The following CC2D2A variants were observed in gnomAD, a reference collection of about 807,000 sequenced individuals.
The protein encoded by CC2D2A is coiled-coil and C2 domain containing 2A, also known as coiled-coil and C2 domain-containing protein 2A.
CC2D2A carries 155 observed loss-of-function variants against 212.9 expected under a neutral mutation model. The observed-to-expected ratio is 0.73, with a 90% CI of 0.64 to 0.83. The LOEUF is 0.83. Among genes scored for constraint, CC2D2A ranks in the 40% least tolerant of loss-of-function variants. CC2D2A has a pLI of 0.00. For synonymous variants in CC2D2A, 667 were observed against 686.5 expected, an observed-to-expected ratio of 0.97 and a Z score of 0.44; for missense variants, 1,856 against 1,956.2, an observed-to-expected ratio of 0.95 and a Z score of 0.97.
Position 15,475,806 on chromosome 4 carries a change from G to C in CC2D2A, c.-18-109G>C, listed in dbSNP as rs1161535215. 3 of 882,452 alleles carry C rather than the reference G, an allele frequency of 3.4e-6. No individual in the cohort carries two copies. The East Asian group carries it at 8.1e-5, about 24-fold the overall frequency. The allele number at this position is 882,452 out of a possible 1,614,324, so 54.7% of individuals were successfully genotyped here. On this transcript the variant is annotated intron_variant, in intron 1 of 36. Transcript: ENST00000424120. The stretch of plus-strand genomic sequence containing the variant: ...TCCTGGTGAGTGGAAAGTCTACCCA[G>C]CTCAAACACTTCACTTACCATCATG...
At chr4:15,490,165 T>A (rs1399871913) in intron 4 of CC2D2A, among the ~76,000 whole-genome samples, 1 of 152,214 alleles carries the variant, frequency 6.6e-6, no homozygotes, top group Non-Finnish European at 1.5e-5. Flanking sequence ...AACTTACATA[T>A]CATAAAATTC....
intron 11 of CC2D2A, among the ~76,000 whole-genome samples, chr4:15,524,606 A>T (rs1296117120): frequency 6.6e-6 from 1 of 151,492 alleles, no homozygotes; most frequent in Non-Finnish European, 1.5e-5. Context: ...GCCCGCCACC[A>T]CGCTCGGCTA....
At position 15,502,460 on chromosome 4, in the gene CC2D2A, A is replaced by T; in HGVS notation, c.279A>T (p.Thr93=). ...CTCCAATTCCTTCAACTTCCAGAAC[A>T]GGCTTTGCAGAATTTTCCATGAGGG... is the stretch of plus-strand genomic sequence containing the variant. The part of the protein sequence containing the change: ...SLPPIPSTSR[T]GFAEFSMRGR... Residue 93 remains threonine, a synonymous_variant, in exon 5 of 37, where the codon ACA becomes ACT. Transcript: ENST00000424120. 1 of 1,608,322 alleles carries T rather than the reference A, an allele frequency of 6.2e-7. No individual in the cohort carries two copies. The highest frequency in any genetic ancestry group is 8.5e-7 in the Non-Finnish European group (1 of 1,178,458).
At chr4:15,523,052 T>C (rs1577346309) in intron 11 of CC2D2A, among the ~76,000 whole-genome samples, 2 of 151,296 alleles carry the variant, frequency 1.3e-5, no homozygotes, top group African/African-American at 4.9e-5. Context: ...AGGCGAAGGT[T>C]GCAGTGAGCA....
rs1717644428 is a variant in CC2D2A at position 15,528,710 on chromosome 4, T to C, written c.1450T>C (p.Tyr484His). The C allele has an allele frequency of 6.2e-7, 1 of 1,604,620 alleles. No homozygotes were observed. The highest frequency in any genetic ancestry group is 8.5e-7 in the Non-Finnish European group (1 of 1,174,092). ...LDTIQKTINE[Y>H]KSEIRQTRKF... ...TACCATCCAAAAAACCATCAATGAG[T>C]ATAAATCTGAAATTCGGTGAGTAAA... is the stretch of plus-strand genomic sequence containing the variant. The change falls in exon 13 of 37, where the codon TAT becomes CAT. Residue 484 changes from tyrosine (Y) to histidine (H), a missense_variant. By Grantham distance (83) the Tyr-to-His change is moderately conservative (BLOSUM62 2). Transcript: ENST00000424120.
chr4:15,498,777 A>T (rs114758483), intron 4 of CC2D2A, among the ~76,000 whole-genome samples: 4 of 152,332 alleles, frequency 2.6e-5, no homozygotes, highest in African/African-American at 9.6e-5. Flanking sequence ...TTATCTTTTT[A>T]AAAAAGTCTT....
intron 11 of CC2D2A, chr4:15,519,251 C>A (rs1156756215): frequency 2.7e-6 from 1 of 369,276 alleles, no homozygotes; most frequent in East Asian, 8.5e-5. Context: ...TGACACCAGT[C>A]TCTTTGCTAA....
rs942623018 is a variant in CC2D2A at position 15,560,738 on chromosome 4, C to T, written c.3014+116C>T. 5 of 550,934 alleles carry T rather than the reference C, an allele frequency of 9.1e-6. No homozygotes were observed. In the African/African-American group the frequency reaches 1.0e-4, roughly 11 times the overall value. 34.1% of individuals were successfully genotyped at this position (550,934 alleles called of 1,614,324 possible). ...AATCATCGTATGGTATGCATTTGGGCCAGGAATAATGTGTTAAACCTGGTT... is the reference window on the plus strand; with the variant it reads ...AATCATCGTATGGTATGCATTTGGGTCAGGAATAATGTGTTAAACCTGGTT... On this transcript the variant is annotated intron_variant, in intron 23 of 36. Transcript: ENST00000424120.
In CC2D2A at chr4:15,524,509, A is replaced by G. The variant is rs191748373; in HGVS notation, c.1150-2938A>G. On this transcript the variant is annotated intron_variant, in intron 11 of 36. Coordinates refer to ENST00000424120, the MANE Select transcript of CC2D2A (RefSeq NM_001378615.1). Reference sequence around the variant, plus strand: ...TCTGCTGCCCAGGCTGGAGTGCAGTAGCGCAATCTTGGCTCACTGCAAGCT... The same window carrying G: ...TCTGCTGCCCAGGCTGGAGTGCAGTGGCGCAATCTTGGCTCACTGCAAGCT... 1.8e-4 allele frequency among the ~76,000 whole-genome samples: 24 copies of G among 130,536 alleles called. No individual in the cohort carries two copies. In the East Asian group the frequency reaches 5.2e-3, roughly 28 times the overall value. 85.6% of individuals were successfully genotyped at this position (130,536 alleles called of 152,430 possible).
chr4:15,510,058 G>A (rs968613721), intron 6 of CC2D2A, 81 bp from the exon 7 acceptor site: 2 of 999,724 alleles, frequency 2.0e-6, no homozygotes, highest in Admixed American at 4.4e-5. Context: ...CCTTTGGGAT[G>A]GGGGGGTTAA....
At chr4:15,480,675 T>C (rs1714574636) in intron 3 of CC2D2A, 29 bp from the exon 4 acceptor site, 1 of 1,597,682 alleles carries the variant, frequency 6.3e-7, no homozygotes, top group Middle Eastern at 1.7e-4. Context: ...GTCCTGGGAG[T>C]CTCTGAACCT....
At chr4:15,587,656 T>TA (rs1049012212) in intron 31 of CC2D2A, among the ~76,000 whole-genome samples, 160 bp from the exon 32 acceptor site, 3 of 152,124 alleles carry the variant, frequency 2.0e-5, no homozygotes, top group African/African-American at 7.2e-5. Flanking sequence ...AGTGGTTTTT[T>TA]AAAAAAATGA....
chr4:15,489,679 A>C (rs1715195134), intron 4 of CC2D2A, among the ~76,000 whole-genome samples: 1 of 152,168 alleles, frequency 6.6e-6, no homozygotes, highest in Non-Finnish European at 1.5e-5. Context: ...AAATCACTCC[A>C]ATGTAACTCA....
chr4:15,537,723 T>C (rs1718208665), intron 15 of CC2D2A, among the ~76,000 whole-genome samples, 176 bp from the exon 16 acceptor site: 1 of 152,032 alleles, frequency 6.6e-6, no homozygotes. Flanking sequence ...CTCCATTCTG[T>C]AGATGAAAAA....
At chr4:15,487,794 T>A (rs1458586019) in intron 4 of CC2D2A, among the ~76,000 whole-genome samples, 1 of 148,880 alleles carries the variant, frequency 6.7e-6, no homozygotes, top group African/African-American at 2.6e-5. Context: ...TTAAAAAAAT[T>A]TTTTTTTTTG....
chr4:15,566,979 A>T (rs193040445), intron 24 of CC2D2A, among the ~76,000 whole-genome samples: 123 of 152,074 alleles, frequency 8.1e-4, no homozygotes, highest in African/African-American at 2.7e-3. Flanking sequence ...TATCTCAAAA[A>T]TTTTTTTAAA....
At position 15,563,404 on chromosome 4, in the gene CC2D2A, C is replaced by A. The variant is rs751865030; in HGVS notation, c.3064C>A (p.Arg1022=). ...GCTGGCAGAACAAAAGCGACCACTG[C>A]GGCCAAGGAGAAAAGGTCGGAAGAA... is the stretch of plus-strand genomic sequence containing the variant. ...FKLAEQKRPL[R]PRRKGRKKVT... Residue 1022 remains arginine, a synonymous_variant, in exon 24 of 37, where the codon CGG becomes AGG. Transcript: ENST00000424120. 4.4e-6 allele frequency: 7 copies of A among 1,607,862 alleles called. No homozygotes were observed. The highest frequency in any genetic ancestry group is 5.9e-6 in the Non-Finnish European group (7 of 1,176,974).
At chr4:15,521,055 T>C (rs1717173206) in intron 11 of CC2D2A, among the ~76,000 whole-genome samples, 1 of 152,158 alleles carries the variant, frequency 6.6e-6, no homozygotes, top group African/African-American at 2.4e-5. Flanking sequence ...AGAGTTCTAC[T>C]GACAGGGGCT....
intron 17 of CC2D2A, among the ~76,000 whole-genome samples, chr4:15,545,754 C>G (rs1718677800): frequency 6.6e-6 from 1 of 152,020 alleles, no homozygotes; most frequent in East Asian, 1.9e-4. Flanking sequence ...AAGATTGGAG[C>G]CAGAATTGGT....
Sources: gnomAD v4.1 joint callset for allele counts (sites outside exome capture counted in the v4.1 genomes callset) on GRCh38, gnomAD v4.1.1 for gene constraint, MANE v1.5 for transcripts, NCBI Gene and HGNC (gene_info 2026-07-23, HGNC 2026-07-21) for gene names.